Variants in PZP observed in about 807,000 individuals in gnomAD.
The protein encoded by PZP is pregnancy zone protein.
In PZP, 150 loss-of-function variants were observed where a neutral mutation model predicts 179.8. The observed-to-expected ratio is 0.83, with a 90% CI of 0.73 to 0.96. The LOEUF (loss-of-function observed/expected upper bound fraction) is 0.96, where lower values mean the gene tolerates loss of function less well. Among genes scored for constraint, PZP ranks in the 40% least tolerant of loss-of-function variants. The pLI is 0.00. For synonymous variants in PZP, 624 were observed against 652.3 expected (o/e 0.96, Z 0.66); for missense variants, 1,689 against 1,764.0 (o/e 0.96, Z 0.76).
intron 15 of PZP, among the ~76,000 whole-genome samples, chr12:9,180,454 A>G (rs1441758169): frequency 6.6e-6 from 1 of 152,224 alleles, no homozygotes; most frequent in Non-Finnish European, 1.5e-5. Flanking sequence ...AAACAGAGAT[A>G]TAGATCAATG....
rs764959661 is a variant in PZP at position 9,202,637 on chromosome 12, C to T, written c.315G>A (p.Gln105=). The part of the protein sequence containing the change: ...ASSEVAFLSI[Q]IKGPTQDFRK... ...TGAAATCTTGCGTAGGCCCCTTTAT[C>T]TGGATGCTAAGGAATGCCACCTCTG... The change falls in exon 3 of 36, where the codon CAG becomes CAA. Residue 105 remains glutamine (Q), a synonymous_variant. Coordinates refer to ENST00000261336, the MANE Select transcript of PZP (RefSeq NM_002864.3). 3 of 1,614,144 alleles carry T rather than the reference C, an allele frequency of 1.9e-6. No homozygotes were observed. The East Asian group carries it at 6.7e-5, about 36-fold the overall frequency.
In PZP at chr12:9,153,211, G is replaced by GGTT; in HGVS notation, c.3904_3906dup (p.Asn1302dup). 1 of 1,614,182 alleles carries GGTT rather than the reference G, an allele frequency of 6.2e-7. No individual in the cohort carries two copies. The highest frequency in any genetic ancestry group is 1.3e-5 in the African/African-American group (1 of 75,048). ...AATGAGATCTGCTGCAGTAATAGGA[G>GGTT]GTTGTTGTTGTCTACTTGGAAATTT... On this transcript the variant is annotated inframe_insertion, in exon 30 of 36. Transcript: ENST00000261336.
chr12:9,195,611 ATTTTT>A (rs11398106), intron 10 of PZP, among the ~76,000 whole-genome samples: 1 of 104,248 alleles, frequency 9.6e-6, no homozygotes, highest in Non-Finnish European at 1.9e-5. Flanking sequence ...CCCACTGCTA[ATTTTT>A]TTTTTTTTTT....
At chr12:9,190,522 A>G (rs1450762005) in intron 13 of PZP, among the ~76,000 whole-genome samples, 1 of 152,092 alleles carries the variant, frequency 6.6e-6, no homozygotes, top group Non-Finnish European at 1.5e-5. Context: ...GAGGGAGAGC[A>G]GAAGACATTG....
At chr12:9,165,483 C>A in intron 18 of PZP, 116 bp from the exon 19 acceptor site, 3 of 1,176,944 alleles carry the variant, frequency 2.5e-6, no homozygotes, top group Non-Finnish European at 3.6e-6. Flanking sequence ...AGGGTATATG[C>A]GAGTGTGCAT....
At chr12:9,185,788 A>ACGTTTCTTTTCTTTTCTTTTCTTTT (rs1943061937) in intron 13 of PZP, among the ~76,000 whole-genome samples, 1 of 51,482 alleles carries the variant, frequency 1.9e-5, no homozygotes, top group Non-Finnish European at 4.3e-5. Context: ...CCTATGTTCA[A>ACGTTTCTTTTCTTTTCTTTTCTTTT]CATTTCTTTT....
intron 35 of PZP, 29 bp from the exon 36 acceptor site, chr12:9,149,023 T>C: frequency 6.2e-7 from 1 of 1,602,404 alleles, no homozygotes; most frequent in Non-Finnish European, 8.5e-7. Flanking sequence ...CGTAAGGAGG[T>C]TGTATCATTT....
chr12:9,196,964 A>G, intron 8 of PZP, 48 bp downstream of exon 8: 1 of 1,362,204 alleles, frequency 7.3e-7, no homozygotes. Context: ...ATGGAGTCTC[A>G]CTGGTTGTAA....
intron 13 of PZP, among the ~76,000 whole-genome samples, chr12:9,182,920 C>T (rs1942864615): frequency 6.6e-6 from 1 of 152,192 alleles, no homozygotes; most frequent in Non-Finnish European, 1.5e-5. Context: ...CTTTTCTCTA[C>T]ATCCCTCCTG....
At chr12:9,169,334 A>G in intron 16 of PZP, 96 bp downstream of exon 16, 1 of 1,202,574 alleles carries the variant, frequency 8.3e-7, no homozygotes, top group Middle Eastern at 2.8e-4. Context: ...TGGAGAGGCA[A>G]GGCTACATAA....
chr12:9,152,690 C>T (rs1940447860), intron 31 of PZP, 134 bp downstream of exon 31: 2 of 922,740 alleles, frequency 2.2e-6, no homozygotes, highest in Non-Finnish European at 1.6e-6. Context: ...TGATAAAAGC[C>T]TAAATTCATT....
At chr12:9,161,004 C>T (rs1198555459) in intron 23 of PZP, 29 bp downstream of exon 23, 4 of 1,520,354 alleles carry the variant, frequency 2.6e-6, no homozygotes, top group Non-Finnish European at 3.7e-6. Context: ...CTCTTTTGGC[C>T]CAGGTTTACT....
rs767000175 is a variant in PZP, at chr12:9,171,197, C to T, written c.1840-1606G>A. The stretch of plus-strand genomic sequence containing the variant: ...ATGGCCTTTGCTGGTGATACTTCCA[C>T]GTACGGGAGAAACCAAAGCAACTGG... On this transcript the variant is annotated intron_variant, in intron 15 of 35. Transcript: ENST00000261336. Among the ~76,000 whole-genome samples, 15 of 152,266 alleles carry T rather than the reference C, an allele frequency of 9.9e-5. No individual in the cohort carries two copies. The South Asian group carries it at 1.0e-3, about 11-fold the overall frequency.
intron 10 of PZP, among the ~76,000 whole-genome samples, chr12:9,194,525 C>G (rs1352829530): frequency 7.1e-6 from 1 of 139,908 alleles, no homozygotes; most frequent in Non-Finnish European, 1.5e-5. Flanking sequence ...AGTGCAGTGG[C>G]GCGATCTCGG....
intron 28 of PZP, among the ~76,000 whole-genome samples, chr12:9,155,489 G>T (rs970398503): frequency 6.9e-6 from 1 of 145,454 alleles, no homozygotes; most frequent in Non-Finnish European, 1.5e-5. Flanking sequence ...TTTTGTTGTT[G>T]TTATTGTTGT....
Position 9,203,818 on chromosome 12 carries a change from A to C in PZP, c.217T>G (p.Phe73Val). 1 of 1,614,134 alleles carries C rather than the reference A, an allele frequency of 6.2e-7. No homozygotes were observed. The highest frequency in any genetic ancestry group is 2.2e-5 in the East Asian group (1 of 44,852). ...LESGRENRSL[F>V]TDLVAEKDLF... is the part of the protein sequence containing the mutation. The stretch of plus-strand genomic sequence containing the variant: ...TCCTTCTCCGCCACCAGGTCAGTGA[A>C]GAGGCTCCTGTTTTCCCTGCCAGAC... Residue 73 changes from phenylalanine to valine, a missense_variant, in exon 2 of 36, where the codon TTC becomes GTC. Phe to Val is a conservative substitution (Grantham distance 50, BLOSUM62 -1). Coordinates refer to ENST00000261336, the MANE Select transcript of PZP (RefSeq NM_002864.3).
intron 15 of PZP, among the ~76,000 whole-genome samples, chr12:9,176,340 A>G (rs1006664320): frequency 3.3e-5 from 5 of 152,286 alleles, no homozygotes; most frequent in Admixed American, 3.3e-4. Flanking sequence ...AGAATAACTA[A>G]TGGATGCTGG....
Position 9,200,890 on chromosome 12 carries a change from A to G in PZP, c.670+2T>C. ...GCCTTTTTCATCTTCCATAATCCAT[A>G]CCAAATTCCTCCACGGTGAAGGGGT... is the stretch of plus-strand genomic sequence containing the variant. On this transcript the variant is annotated splice_donor_variant, in intron 6 of 35. Transcript: ENST00000261336. LOFTEE classifies it high-confidence loss of function. 6.2e-7 allele frequency: 1 copy of G among 1,611,258 alleles called. No homozygotes were observed. The highest frequency in any genetic ancestry group is 8.5e-7 in the Non-Finnish European group (1 of 1,179,012).
intron 13 of PZP, among the ~76,000 whole-genome samples, chr12:9,184,951 G>A (rs1411114787): frequency 1.3e-5 from 2 of 152,212 alleles, no homozygotes; most frequent in Non-Finnish European, 2.9e-5. Flanking sequence ...TTCTAAGAGT[G>A]AAGGAACATC....
Sources: allele counts gnomAD v4.1 joint callset (sites outside exome capture counted in the v4.1 genomes callset), GRCh38; gene constraint gnomAD v4.1.1; transcripts MANE v1.5; gene names NCBI Gene and HGNC (gene_info 2026-07-23, HGNC 2026-07-21).